WDR7: variants seen among roughly 807,000 people sequenced by gnomAD.
The protein encoded by WDR7 is WD repeat domain 7.
In WDR7, 46 loss-of-function variants were observed where a neutral mutation model predicts 169.4. The observed-to-expected ratio is 0.27, with a 90% confidence interval of 0.21 to 0.35. The LOEUF is 0.35. Among genes scored for constraint, WDR7 ranks in the 10% least tolerant of loss-of-function variants. The pLI is 1.00. For synonymous variants in WDR7, 612 were observed against 666.8 expected (o/e 0.92, Z 1.27); for missense variants, 1,534 against 1,859.3 (o/e 0.83, Z 3.22).
intron 19 of WDR7, among the ~76,000 whole-genome samples, chr18:56,790,376 C>G (rs775603099): frequency 6.6e-6 from 1 of 152,030 alleles, no homozygotes; most frequent in Non-Finnish European, 1.5e-5. Context: ...TTTCTTATCT[C>G]TTTATGTTGA....
At chr18:56,967,345 C>T (rs1336636101) in intron 26 of WDR7, among the ~76,000 whole-genome samples, 2 of 151,940 alleles carry the variant, frequency 1.3e-5, no homozygotes, top group Non-Finnish European at 2.9e-5. Context: ...GCTGACTGTG[C>T]TTTTACTTGG....
Position 56,654,787 on chromosome 18 carries a change from A to C in WDR7, c.-20+3211A>C, listed in dbSNP as rs1197980049. Among the ~76,000 whole-genome samples the C allele has an allele frequency of 2.0e-5, 3 of 152,186 alleles. No individual in the cohort carries two copies. In the East Asian group the frequency reaches 5.8e-4, roughly 29 times the overall value. On this transcript the variant is annotated intron_variant, in intron 1 of 27. Transcript: ENST00000254442. Reference sequence around the variant, plus strand: ...TACTCTGCTATGTTATGTACTGCTAATTCATAGTTTTCTTTTAAACTTATT... The same window carrying C: ...TACTCTGCTATGTTATGTACTGCTACTTCATAGTTTTCTTTTAAACTTATT...
chr18:56,909,975 T>TTAC (rs1328616539), intron 21 of WDR7, among the ~76,000 whole-genome samples: 2 of 152,144 alleles, frequency 1.3e-5, no homozygotes, highest in Non-Finnish European at 2.9e-5. Context: ...ACATATTGAT[T>TTAC]TACTGTATAG....
At chr18:56,693,500 A>G (rs1406314722) in intron 9 of WDR7, among the ~76,000 whole-genome samples, 3 of 151,978 alleles carry the variant, frequency 2.0e-5, no homozygotes, top group African/African-American at 7.2e-5. Flanking sequence ...TAGTTGAAAA[A>G]TATACTAATT....
rs2043795715 is a variant in WDR7 at position 56,751,683 on chromosome 18, A to T, written c.1990-4900A>T. 2.6e-5 allele frequency among the ~76,000 whole-genome samples: 4 copies of T among 152,356 alleles called. No homozygotes were observed. The South Asian group carries it at 8.3e-4, about 32-fold the overall frequency. ...AGCTTTGTATGTGGTAGCTATCATT[A>T]TTAATAATAATTTTTGTATCAATAT... On this transcript the variant is annotated intron_variant, in intron 14 of 27. Coordinates refer to ENST00000254442, the MANE Select transcript of WDR7 (RefSeq NM_015285.3).
intron 1 of WDR7, among the ~76,000 whole-genome samples, chr18:56,653,452 C>A (rs975181847): frequency 6.6e-6 from 1 of 152,306 alleles, no homozygotes; most frequent in Admixed American, 6.5e-5. Context: ...GGTGATCCAC[C>A]AGCCTTGGCC....
chr18:56,990,453 C>T (rs142704290), intron 26 of WDR7, among the ~76,000 whole-genome samples: 2 of 152,234 alleles, frequency 1.3e-5, no homozygotes, highest in East Asian at 3.9e-4. Flanking sequence ...TAGGAAGTTA[C>T]ATTAAAAACA....
intron 14 of WDR7, among the ~76,000 whole-genome samples, chr18:56,739,390 C>T (rs572412170): frequency 6.6e-6 from 1 of 152,256 alleles, no homozygotes; most frequent in East Asian, 1.9e-4. Flanking sequence ...AGCCTTAGAA[C>T]ACTACAACTC....
chr18:56,657,914 G>A (rs531404685), intron 1 of WDR7, among the ~76,000 whole-genome samples: 39 of 150,804 alleles, frequency 2.6e-4, no homozygotes, highest in Admixed American at 5.3e-4. Flanking sequence ...TGTTGGTGAC[G>A]TTTAATGAAA....
At position 57,022,720 on chromosome 18, in the gene WDR7, G is replaced by A. The variant is rs377180387; in HGVS notation, c.4269+1871G>A. ...TTTTTCTATTTATATCAAAATTACTGCCCAGGTCACTGATGGGATTATGGG... is the reference window on the plus strand; with the variant it reads ...TTTTTCTATTTATATCAAAATTACTACCCAGGTCACTGATGGGATTATGGG... On this transcript the variant is annotated intron_variant, in intron 27 of 27. Coordinates refer to ENST00000254442, the MANE Select transcript of WDR7 (RefSeq NM_015285.3). Among the ~76,000 whole-genome samples, 7 of 152,216 alleles carry A rather than the reference G, an allele frequency of 4.6e-5. No homozygotes were observed. The East Asian group carries it at 1.2e-3, about 25-fold the overall frequency.
chr18:56,912,623 T>A (rs1340197841), intron 21 of WDR7, among the ~76,000 whole-genome samples: 1 of 152,220 alleles, frequency 6.6e-6, no homozygotes, highest in Non-Finnish European at 1.5e-5. Flanking sequence ...CCAAATCCAA[T>A]GAGTGATTCT....
intron 17 of WDR7, 25 bp from the exon 18 acceptor site, chr18:56,779,406 T>G: frequency 6.4e-7 from 1 of 1,560,452 alleles, no homozygotes; most frequent in Admixed American, 1.9e-5. Flanking sequence ...GTTAAAGAAT[T>G]TGTAATATAT....
chr18:56,651,572 G>A lies in WDR7; in HGVS notation c.-24G>A, dbSNP rs1482697235. 1 of 152,650 alleles carries A rather than the reference G, an allele frequency of 6.6e-6. No individual in the cohort carries two copies. Among genetic ancestry groups the A allele is most frequent in the African/African-American group, 2.4e-5 (1 of 41,472 alleles). 9.5% of individuals were successfully genotyped at this position (152,650 alleles called of 1,614,324 possible). A position where few individuals can be genotyped will look rare whatever the true frequency, so the allele number is the denominator to read the frequency against. On this transcript the variant is annotated 5_prime_UTR_variant, in exon 1 of 28. An upstream open reading frame in the 5' UTR loses its in-frame stop. Coordinates refer to ENST00000254442, the MANE Select transcript of WDR7 (RefSeq NM_015285.3). ...ACATCGCGGCATGAGATGAAGCTGT[G>A]ACAGGTAAGGGGGCTTTCAAGCTTC...
chr18:56,984,443 G>A (rs890762314), intron 26 of WDR7, among the ~76,000 whole-genome samples: 4 of 152,066 alleles, frequency 2.6e-5, no homozygotes, highest in African/African-American at 7.2e-5. Context: ...CTAAAATGTA[G>A]CATAGTTTTA....
At chr18:56,894,510 A>G (rs1011999489) in intron 21 of WDR7, among the ~76,000 whole-genome samples, 2 of 151,946 alleles carry the variant, frequency 1.3e-5, no homozygotes, top group Non-Finnish European at 2.9e-5. Context: ...CAACTTCTCA[A>G]TGAGACCTAT....
intron 20 of WDR7, among the ~76,000 whole-genome samples, chr18:56,874,291 G>T (rs1224951880): frequency 6.6e-6 from 1 of 151,778 alleles, no homozygotes; most frequent in East Asian, 1.9e-4. Context: ...TTCTTAGTAT[G>T]GTTACGCATT....
intron 13 of WDR7, among the ~76,000 whole-genome samples, chr18:56,719,459 G>A (rs2026268115): frequency 6.6e-6 from 1 of 151,810 alleles, no homozygotes; most frequent in Non-Finnish European, 1.5e-5. Context: ...CTACTTGGGA[G>A]GCTGAGGCAG....
intron 19 of WDR7, among the ~76,000 whole-genome samples, chr18:56,804,521 A>C (rs2044734205): frequency 1.3e-5 from 2 of 152,220 alleles, no homozygotes; most frequent in Admixed American, 1.3e-4. Context: ...GTGTTTTGTA[A>C]GCGTAAAAAC....
chr18:56,877,019 CAAAAAT>C (rs796750438), intron 20 of WDR7, among the ~76,000 whole-genome samples: 18 of 151,690 alleles, frequency 1.2e-4, no homozygotes, highest in African/African-American at 4.4e-4. Context: ...CCTGTCTCTA[CAAAAAT>C]AAAAATAAAA....
Sources: gnomAD v4.1 joint callset for allele counts (sites outside exome capture counted in the v4.1 genomes callset) on GRCh38, gnomAD v4.1.1 for gene constraint, MANE v1.5 for transcripts, NCBI Gene and HGNC (gene_info 2026-07-23, HGNC 2026-07-21) for gene names.